MAPK8: variants seen among roughly 807,000 people sequenced by gnomAD.
MAPK8 encodes the protein mitogen-activated protein kinase 8.
Under a neutral mutation model 52.9 loss-of-function variants are expected in MAPK8, and 13 were observed. The ratio of observed to expected loss-of-function variants is 0.25; its 90% CI spans 0.16 to 0.39. MAPK8 has a LOEUF of 0.39. Among genes scored for constraint, MAPK8 ranks in the 10% least tolerant of loss-of-function variants. The pLI, the probability that MAPK8 is intolerant of heterozygous loss-of-function variation, is 1.00. For synonymous variants in MAPK8, 191 were observed against 169.8 expected (o/e 1.12, Z -0.97); for missense variants, 300 against 519.2 (o/e 0.58, Z 4.10).
At chr10:48,392,307 A>C (rs1021539853) in intron 1 of MAPK8, among the ~76,000 whole-genome samples, 12 of 152,126 alleles carry the variant, frequency 7.9e-5, no homozygotes, top group African/African-American at 2.9e-4. Flanking sequence ...AAAATCAGAG[A>C]GAGAGATTCT....
At chr10:48,409,386 G>A (rs2042630452) in intron 3 of MAPK8, among the ~76,000 whole-genome samples, 1 of 152,172 alleles carries the variant, frequency 6.6e-6, no homozygotes, top group Non-Finnish European at 1.5e-5. Context: ...TTTGTGAGAT[G>A]TCCATGCAAA....
At chr10:48,403,844 G>C (rs137898004) in intron 2 of MAPK8, among the ~76,000 whole-genome samples, 14,408 of 151,436 alleles carry the variant, frequency 0.095, 729 homozygotes, top group Non-Finnish European at 0.11. Flanking sequence ...CGCCTCCCGG[G>C]TTCACGCCAT....
chr10:48,349,815 A>T (rs1846133126), intron 1 of MAPK8, among the ~76,000 whole-genome samples: 1 of 152,198 alleles, frequency 6.6e-6, no homozygotes. Flanking sequence ...CCCCTCAAAA[A>T]ATCAGTGAAT....
intron 1 of MAPK8, among the ~76,000 whole-genome samples, chr10:48,399,259 C>G (rs1404581996): frequency 2.0e-5 from 3 of 152,210 alleles, no homozygotes; most frequent in African/African-American, 7.2e-5. Context: ...GAGCCAGATG[C>G]TGATTACCAT....
intron 1 of MAPK8, among the ~76,000 whole-genome samples, chr10:48,313,438 A>AAAC (rs1350846105): frequency 7.9e-5 from 12 of 152,242 alleles, no homozygotes; most frequent in South Asian, 6.2e-4. Context: ...CTGTCTCAAA[A>AAAC]AACAACAACA....
At chr10:48,350,959 C>T (rs1846264210) in intron 1 of MAPK8, among the ~76,000 whole-genome samples, 1 of 152,174 alleles carries the variant, frequency 6.6e-6, no homozygotes, top group Middle Eastern at 3.2e-3. Flanking sequence ...CACAAGCATT[C>T]CCATACACCA....
chr10:48,398,899 G>A (rs2042019638), intron 1 of MAPK8, among the ~76,000 whole-genome samples: 2 of 152,148 alleles, frequency 1.3e-5, no homozygotes. Flanking sequence ...TTGAAGTAAT[G>A]GGAATGTTTT....
intron 1 of MAPK8, among the ~76,000 whole-genome samples, chr10:48,375,266 A>G (rs764790855): frequency 1.3e-5 from 2 of 152,200 alleles, no homozygotes; most frequent in Non-Finnish European, 2.9e-5. Context: ...ATTTATGACA[A>G]ACCCACAGCC....
chr10:48,312,735 TAAAC>T (rs748104320), intron 1 of MAPK8, among the ~76,000 whole-genome samples: 6 of 152,364 alleles, frequency 3.9e-5, no homozygotes, highest in South Asian at 4.1e-4. Context: ...ACTTTTCAGT[TAAAC>T]AAAAACCAAA....
chr10:48,414,983 G>A (rs2042985006), intron 5 of MAPK8, among the ~76,000 whole-genome samples: 1 of 151,830 alleles, frequency 6.6e-6, no homozygotes, highest in Non-Finnish European at 1.5e-5. Context: ...TACAGAGAGA[G>A]TTTTCACAGT....
chr10:48,403,749 G>GT (rs147945885), intron 2 of MAPK8, among the ~76,000 whole-genome samples: 8 of 150,948 alleles, frequency 5.3e-5, no homozygotes, highest in East Asian at 1.9e-4. Flanking sequence ...TTGTTTTTTT[G>GT]TTTTTTTGTT....
intron 1 of MAPK8, among the ~76,000 whole-genome samples, chr10:48,377,197 C>T (rs2040719317): frequency 6.6e-6 from 1 of 152,048 alleles, no homozygotes; most frequent in East Asian, 1.9e-4. Flanking sequence ...AGGGGAACAT[C>T]ACACACCAGG....
chr10:48,333,213 A>G (rs973555856), intron 1 of MAPK8, among the ~76,000 whole-genome samples: 7 of 152,206 alleles, frequency 4.6e-5, no homozygotes. Context: ...ATTTGTTGTT[A>G]CGACCAAGTC....
At chr10:48,408,269 G>C (rs1486838689) in intron 3 of MAPK8, among the ~76,000 whole-genome samples, 2 of 152,144 alleles carry the variant, frequency 1.3e-5, no homozygotes, top group Non-Finnish European at 2.9e-5. Context: ...GGATGAGGCT[G>C]ATGTGAAAAT....
intron 1 of MAPK8, among the ~76,000 whole-genome samples, chr10:48,359,522 T>C (rs1384825046): frequency 6.6e-6 from 1 of 152,172 alleles, no homozygotes; most frequent in African/African-American, 2.4e-5. Flanking sequence ...GATATCGATA[T>C]ATTATAAAAT....
chr10:48,368,584 A>T (rs1848276893), intron 1 of MAPK8, among the ~76,000 whole-genome samples: 1 of 152,242 alleles, frequency 6.6e-6, no homozygotes, highest in South Asian at 2.1e-4. Flanking sequence ...TTCTTGGTCC[A>T]CAACCCTAAT....
At chr10:48,317,761 A>T (rs911532064) in intron 1 of MAPK8, among the ~76,000 whole-genome samples, 6 of 152,148 alleles carry the variant, frequency 3.9e-5, no homozygotes, top group Non-Finnish European at 7.4e-5. Context: ...GTGAAGGCCT[A>T]TTCTCCTGGC....
chr10:48,400,980 C>G (rs1481889166), intron 1 of MAPK8, among the ~76,000 whole-genome samples: 1 of 152,060 alleles, frequency 6.6e-6, no homozygotes, highest in Admixed American at 6.6e-5. Flanking sequence ...CTAACTACTT[C>G]TCTCTCTCTC....
intron 1 of MAPK8, among the ~76,000 whole-genome samples, chr10:48,381,008 ATCTC>A (rs961472038): frequency 6.6e-6 from 1 of 151,926 alleles, no homozygotes; most frequent in Non-Finnish European, 1.5e-5. Context: ...GCTCAAGAAA[ATCTC>A]TCTCTCCCTC....
Sources: allele counts gnomAD v4.1 joint callset (sites outside exome capture counted in the v4.1 genomes callset), GRCh38; gene constraint gnomAD v4.1.1; transcripts MANE v1.5; gene names NCBI Gene and HGNC (gene_info 2026-07-23, HGNC 2026-07-21).